Variants in AKAP10 observed in about 807,000 individuals in gnomAD.
AKAP10 encodes A-kinase anchor protein 10, mitochondrial.
A neutral mutation model predicts 80.8 loss-of-function variants in AKAP10; 24 were observed. The observed-to-expected ratio is 0.30, with a 90% confidence interval of 0.22 to 0.42. The LOEUF (loss-of-function observed/expected upper bound fraction) is 0.42, where lower values mean the gene tolerates loss of function less well. Ranked by LOEUF, AKAP10 falls within the 10% of genes least tolerant of loss-of-function variation. The pLI, the probability that AKAP10 is intolerant of heterozygous loss-of-function variation, is 1.00. For synonymous variants in AKAP10, 291 were observed against 277.7 expected (o/e 1.05, Z -0.48); for missense variants, 661 against 794.9 (o/e 0.83, Z 2.03).
rs36071856 is a variant in AKAP10, at chr17:19,914,628, C to CAAAAAAAAAAAAAAAA, written c.1835-4666_1835-4651dup. ...TGGGCAACAGAGCAAGACCCTATCT[C>CAAAAAAAAAAAAAAAA]AAAAAAAAAAAAAAAAAAAAAAGAT... On this transcript the variant is annotated intron_variant, in intron 12 of 14. Transcript: ENST00000225737. Among the ~76,000 whole-genome samples the CAAAAAAAAAAAAAAAA allele has an allele frequency of 8.5e-5, 5 of 58,510 alleles. No individual in the cohort carries two copies. In the East Asian group the frequency reaches 3.4e-3, roughly 40 times the overall value. The allele number at this position is 58,510 out of a possible 152,430, so 38.4% of individuals were successfully genotyped here.
At position 19,909,234 on chromosome 17, in the gene AKAP10, T is replaced by C. The variant is rs139686167; in HGVS notation, c.1930A>G (p.Ser644Gly). The C allele has an allele frequency of 1.7e-5, 27 of 1,613,662 alleles. No homozygotes were observed. The highest frequency in any genetic ancestry group is 2.3e-5 in the Non-Finnish European group (27 of 1,179,948). Residue 644 changes from serine to glycine, a missense_variant, in exon 14 of 15, where the codon AGT becomes GGT. Coordinates refer to ENST00000225737, the MANE Select transcript of AKAP10 (RefSeq NM_007202.4). ...TACTGAGCCTGCTGCATAATGTCAC[T>C]GACTATCATTTTAGCAATCTTCCAA... ...LAWKIAKMIV[S>G]DIMQQAQYDQ...
intron 10 of AKAP10, among the ~76,000 whole-genome samples, chr17:19,924,754 T>C (rs2039974368): frequency 6.6e-6 from 1 of 152,084 alleles, no homozygotes; most frequent in Non-Finnish European, 1.5e-5. Context: ...AAGCCTATAA[T>C]TCCTAGGTTG....
At chr17:19,941,227 A>C (rs2043048260) in intron 6 of AKAP10, among the ~76,000 whole-genome samples, 1 of 152,200 alleles carries the variant, frequency 6.6e-6, no homozygotes, top group Non-Finnish European at 1.5e-5. Context: ...AACACATGCC[A>C]CTTCATATTA....
rs1390815020 is a variant in AKAP10 at position 19,920,030 on chromosome 17, A to G, written c.1834+6T>C. 1 of 1,609,278 alleles carries G rather than the reference A, an allele frequency of 6.2e-7. No individual in the cohort carries two copies. The highest frequency in any genetic ancestry group is 1.3e-5 in the African/African-American group (1 of 74,810). On this transcript the variant is annotated splice_donor_region_variant and intron_variant, in intron 12 of 14. Transcript: ENST00000225737. ...GCTTAATATGAAGTATAAAAACACC[A>G]CAAACCTTTTGATTTCCTTACATCA...
In AKAP10 at chr17:19,920,887, C is replaced by CAAAAAAAAAA. The variant is rs2042805303; in HGVS notation, c.1752-770_1752-769insTTTTTTTTTT. 5.1e-4 allele frequency among the ~76,000 whole-genome samples: 34 copies of CAAAAAAAAAA among 66,830 alleles called. 2 individuals carry two copies. The highest frequency in any genetic ancestry group is 1.9e-3 in the African/African-American group (30 of 15,864). 43.8% of individuals were successfully genotyped at this position (66,830 alleles called of 152,430 possible). A position where few individuals can be genotyped will look rare whatever the true frequency, so the allele number is the denominator to read the frequency against. On this transcript the variant is annotated intron_variant, in intron 11 of 14. Transcript: ENST00000225737. ...AAAAAAAAAAAAAAAAAAAAAAAAG[C>CAAAAAAAAAA]AAAAAATACAGTAAGGGTCTTATTT...
chr17:19,922,093 A>G (rs1187611471), intron 11 of AKAP10, among the ~76,000 whole-genome samples: 1 of 152,080 alleles, frequency 6.6e-6, no homozygotes, highest in Non-Finnish European at 1.5e-5. Flanking sequence ...AGGACATTAA[A>G]CTTAACTAGA....
intron 14 of AKAP10, 146 bp from the exon 15 acceptor site, chr17:19,906,378 G>A: frequency 1.2e-6 from 1 of 817,302 alleles, no homozygotes; most frequent in South Asian, 2.0e-5. Flanking sequence ...ATTTTGTGAG[G>A]TAAAATATTG....
At chr17:19,908,108 A>C (rs1331899820) in intron 14 of AKAP10, among the ~76,000 whole-genome samples, 1 of 151,458 alleles carries the variant, frequency 6.6e-6, no homozygotes, top group Non-Finnish European at 1.5e-5. Flanking sequence ...CAGGTCATCT[A>C]CCTGCCTCGG....
intron 11 of AKAP10, 31 bp downstream of exon 11, chr17:19,924,377 T>C: frequency 6.9e-7 from 1 of 1,446,906 alleles, no homozygotes; most frequent in Non-Finnish European, 9.4e-7. Context: ...TATTTACACT[T>C]GTAAAAATTC....
intron 5 of AKAP10, among the ~76,000 whole-genome samples, chr17:19,946,167 A>G (rs1466861754): frequency 5.3e-4 from 47 of 88,496 alleles, no homozygotes; most frequent in Non-Finnish European, 9.0e-4. Flanking sequence ...CTAATATATA[A>G]TATATACTAT....
intron 3 of AKAP10, among the ~76,000 whole-genome samples, chr17:19,962,039 C>T (rs2043356122): frequency 6.6e-6 from 1 of 151,954 alleles, no homozygotes; most frequent in Non-Finnish European, 1.5e-5. Flanking sequence ...TGGCTTGTGC[C>T]CAGGAGGTGA....
intron 3 of AKAP10, among the ~76,000 whole-genome samples, chr17:19,960,032 A>C (rs750042306): frequency 7.2e-5 from 11 of 152,166 alleles, no homozygotes; most frequent in Non-Finnish European, 8.8e-5. Context: ...GGATCACTAG[A>C]GCCCAGGAGT....
At chr17:19,971,151 A>T (rs2043492162) in intron 1 of AKAP10, among the ~76,000 whole-genome samples, 1 of 151,936 alleles carries the variant, frequency 6.6e-6, no homozygotes, top group African/African-American at 2.4e-5. Flanking sequence ...ACACCCAGCC[A>T]AACGTGTATA....
At chr17:19,942,759 C>T (rs1353844410) in intron 5 of AKAP10, among the ~76,000 whole-genome samples, 1 of 152,198 alleles carries the variant, frequency 6.6e-6, no homozygotes, top group Admixed American at 6.5e-5. Flanking sequence ...TGCCTAGTCT[C>T]ACTTTGTGTT....
At chr17:19,947,985 C>CAAAAA (rs35869599) in intron 4 of AKAP10, among the ~76,000 whole-genome samples, 1 of 103,256 alleles carries the variant, frequency 9.7e-6, no homozygotes, top group Admixed American at 9.6e-5. Context: ...GACTCCGTCT[C>CAAAAA]AAAAAAAAAA....
intron 1 of AKAP10, among the ~76,000 whole-genome samples, chr17:19,972,452 CTTTGT>C (rs763453098): frequency 6.1e-4 from 92 of 151,960 alleles, no homozygotes; most frequent in Non-Finnish European, 1.0e-3. Flanking sequence ...AGGTTTTTTG[CTTTGT>C]TTTGTTTTGT....
intron 4 of AKAP10, among the ~76,000 whole-genome samples, chr17:19,949,819 C>T (rs2043179445): frequency 6.7e-6 from 1 of 149,548 alleles, no homozygotes; most frequent in South Asian, 2.1e-4. Flanking sequence ...ATCTTTATTA[C>T]ATTTCTTTTC....
At chr17:19,946,265 ATATATATATATTTTTTT>A (rs1197646451) in intron 5 of AKAP10, among the ~76,000 whole-genome samples, 2 of 27,436 alleles carry the variant, frequency 7.3e-5, no homozygotes, top group East Asian at 1.2e-3. Flanking sequence ...ATATATATAT[ATATATATATATTTTTTT>A]TTTTTTTTTT....
intron 11 of AKAP10, among the ~76,000 whole-genome samples, chr17:19,923,506 C>T (rs1278786551): frequency 1.3e-5 from 2 of 152,132 alleles, no homozygotes; most frequent in Non-Finnish European, 2.9e-5. Context: ...TTCTAGGCTC[C>T]TCAGTCTCCC....
Sources: gnomAD v4.1 joint callset for allele counts (sites outside exome capture counted in the v4.1 genomes callset) on GRCh38, gnomAD v4.1.1 for gene constraint, MANE v1.5 for transcripts, NCBI Gene and HGNC (gene_info 2026-07-23, HGNC 2026-07-21) for gene names.